The following WWTR1 variants were observed in gnomAD, a reference collection of about 807,000 sequenced individuals.
WWTR1 encodes the protein WW domain containing transcription regulator 1.
In WWTR1, 13 loss-of-function variants were observed where a neutral mutation model predicts 40.1. The ratio of observed to expected loss-of-function variants is 0.32; its 90% CI spans 0.21 to 0.52. WWTR1 has a LOEUF of 0.52. Among genes scored for constraint, WWTR1 ranks in the 20% least tolerant of loss-of-function variants. WWTR1 has a pLI of 0.97. For synonymous variants in WWTR1, 230 were observed against 210.1 expected, an observed-to-expected ratio of 1.09 and a Z score of -0.82; for missense variants, 436 against 523.1, an observed-to-expected ratio of 0.83 and a Z score of 1.63.
chr3:149,690,511 G>C (rs1274494162), intron 1 of WWTR1, among the ~76,000 whole-genome samples: 1 of 152,006 alleles, frequency 6.6e-6, no homozygotes, highest in Non-Finnish European at 1.5e-5. Flanking sequence ...TATAAAAATA[G>C]GCAAAGAAGG....
rs1034006068 is a variant in WWTR1 at position 149,542,279 on chromosome 3, A to G, written c.771+56T>C. ...CCTGAAGGTAAGCAGCTACCTACCC[A>G]TCAGCTTTGGCACCAAGGCCAGGGA... On this transcript the variant is annotated intron_variant, in intron 4 of 6. Coordinates refer to ENST00000360632, the MANE Select transcript of WWTR1 (RefSeq NM_015472.6). The G allele has an allele frequency of 1.5e-5, 24 of 1,572,300 alleles. No homozygotes were observed. In the Middle Eastern group the frequency reaches 6.9e-4, roughly 45 times the overall value.
chr3:149,623,417 C>T (rs1334432643), intron 2 of WWTR1, among the ~76,000 whole-genome samples: 1 of 151,852 alleles, frequency 6.6e-6, no homozygotes, highest in Admixed American at 6.6e-5. Context: ...TGGGAAAGAA[C>T]CTAAATGCTC....
chr3:149,598,489 A>G (rs1393274338), intron 2 of WWTR1, among the ~76,000 whole-genome samples: 1 of 152,222 alleles, frequency 6.6e-6, no homozygotes, highest in East Asian at 1.9e-4. Context: ...CACTCAAGCC[A>G]AGCACTCTTG....
chr3:149,663,869 C>G (rs1054518204), intron 2 of WWTR1, among the ~76,000 whole-genome samples: 1 of 152,240 alleles, frequency 6.6e-6, no homozygotes, highest in African/African-American at 2.4e-5. Context: ...CTGGACTCAA[C>G]TCTTTAACAA....
At position 149,520,758 on chromosome 3, in the gene WWTR1, C is replaced by T; in HGVS notation, c.*47G>A. 2 of 1,461,466 alleles carry T rather than the reference C, an allele frequency of 1.4e-6. No individual in the cohort carries two copies. The highest frequency in any genetic ancestry group is 1.6e-5 in the South Asian group (1 of 63,750). 90.5% of individuals were successfully genotyped at this position (1,461,466 alleles called of 1,614,324 possible). ...TGCTCCATCACTTTTTCCAAGAGGC[C>T]CAGGAAATGTAAGGTCATGGCTACA... On this transcript the variant is annotated 3_prime_UTR_variant, in exon 7 of 7. Coordinates refer to ENST00000360632, the MANE Select transcript of WWTR1 (RefSeq NM_015472.6).
intron 4 of WWTR1, among the ~76,000 whole-genome samples, chr3:149,721,755 G>C (rs1715761946): frequency 6.6e-6 from 1 of 152,090 alleles, no homozygotes; most frequent in Non-Finnish European, 1.5e-5. Context: ...TTAAGAGATG[G>C]GGTTTCTTAT....
rs1271552625 is a variant in WWTR1, at chr3:149,518,047, G to A, written c.*2758C>T. ...AGGGGTTTTAACACTTACAATAATA[G>A]GAAATAGCCATTAAAAAGTTGCTCT... On this transcript the variant is annotated 3_prime_UTR_variant, in exon 7 of 7. Coordinates refer to ENST00000360632, the MANE Select transcript of WWTR1 (RefSeq NM_015472.6). 6.6e-6 allele frequency: 1 copy of A among 151,884 alleles called. No individual in the cohort carries two copies. The highest frequency in any genetic ancestry group is 2.4e-5 in the African/African-American group (1 of 41,364). The allele number at this position is 151,884 out of a possible 1,614,324, so 9.4% of individuals were successfully genotyped here. A position where few individuals can be genotyped will look rare whatever the true frequency, so the allele number is the denominator to read the frequency against.
intron 3 of WWTR1, among the ~76,000 whole-genome samples, chr3:149,550,869 C>T (rs1448346553): frequency 6.9e-6 from 1 of 145,438 alleles, no homozygotes; most frequent in African/African-American, 2.6e-5. Flanking sequence ...GTTAGCAAAG[C>T]CTTGCTAAAT....
At chr3:149,665,031 G>A (rs1713752122) in intron 2 of WWTR1, among the ~76,000 whole-genome samples, 1 of 151,906 alleles carries the variant, frequency 6.6e-6, no homozygotes, top group Admixed American at 6.6e-5. Context: ...CTATCATTTT[G>A]GGGCAAGGGA....
intron 2 of WWTR1, among the ~76,000 whole-genome samples, chr3:149,652,457 C>CA (rs753204434): frequency 6.7e-6 from 1 of 150,270 alleles, no homozygotes; most frequent in Non-Finnish European, 1.5e-5. Flanking sequence ...CCTGTCTCTA[C>CA]AAAAAAGTTA....
At chr3:149,645,227 C>CGG (rs1712438423) in intron 2 of WWTR1, among the ~76,000 whole-genome samples, 3 of 152,054 alleles carry the variant, frequency 2.0e-5, no homozygotes, top group African/African-American at 7.2e-5. Flanking sequence ...CTACAGGTGC[C>CGG]CGCCACCACG....
chr3:149,554,765 AT>A (rs1389675197), intron 3 of WWTR1, among the ~76,000 whole-genome samples: 1 of 152,262 alleles, frequency 6.6e-6, no homozygotes, highest in East Asian at 1.9e-4. Flanking sequence ...CTCTGACTCC[AT>A]TTGATTGCAG....
chr3:149,627,154 T>C (rs1740581487), intron 2 of WWTR1, among the ~76,000 whole-genome samples: 1 of 152,234 alleles, frequency 6.6e-6, no homozygotes, highest in South Asian at 2.1e-4. Context: ...TGGGATATAC[T>C]TAAAACTAAA....
rs1739290138 is a variant in WWTR1, at chr3:149,602,565, C to T, written c.432-29565G>A. 3.3e-5 allele frequency among the ~76,000 whole-genome samples: 5 copies of T among 152,136 alleles called. No individual in the cohort carries two copies. In the South Asian group the frequency reaches 1.0e-3, roughly 32 times the overall value. On this transcript the variant is annotated intron_variant, in intron 2 of 6. Coordinates refer to ENST00000360632, the MANE Select transcript of WWTR1 (RefSeq NM_015472.6). ...ACTGAAACTCTAGTGTTGATCATTG[C>T]CCTGACACAACTTTAAAGTGGCCAC... is the stretch of plus-strand genomic sequence containing the variant.
At chr3:149,637,074 T>C (rs1011729649) in intron 2 of WWTR1, among the ~76,000 whole-genome samples, 1 of 151,612 alleles carries the variant, frequency 6.6e-6, no homozygotes, top group Non-Finnish European at 1.5e-5. Flanking sequence ...AAAGGACAAG[T>C]ACTCTCTATC....
chr3:149,542,547 G>A lies in WWTR1; in HGVS notation c.569-10C>T, dbSNP rs759737398. On this transcript the variant is annotated splice_polypyrimidine_tract_variant and intron_variant, in intron 3 of 6. Transcript: ENST00000360632. ...TGTTGGTGATTCATCACTGCAAGAG[G>A]GAAGAACATACAGATTAATGACCAG... 1 of 1,602,456 alleles carries A rather than the reference G, an allele frequency of 6.2e-7. No homozygotes were observed. The highest frequency in any genetic ancestry group is 1.7e-5 in the Admixed American group (1 of 58,892).
intron 3 of WWTR1, among the ~76,000 whole-genome samples, chr3:149,560,875 A>G (rs939594240): frequency 1.3e-5 from 2 of 152,200 alleles, no homozygotes; most frequent in Non-Finnish European, 2.9e-5. Flanking sequence ...GCTGAAAAAC[A>G]GAGTTAGTGG....
chr3:149,682,540 G>A (rs1714493070), intron 1 of WWTR1, among the ~76,000 whole-genome samples: 1 of 152,130 alleles, frequency 6.6e-6, no homozygotes, highest in Non-Finnish European at 1.5e-5. Context: ...GTCTAGAAGA[G>A]AAGCATACTC....
At chr3:149,674,141 G>A (rs149343701) in intron 1 of WWTR1, among the ~76,000 whole-genome samples, 1 of 151,612 alleles carries the variant, frequency 6.6e-6, no homozygotes, top group Non-Finnish European at 1.5e-5. Context: ...GATTGCTTGA[G>A]CTGAGGAAGC....
Sources: allele counts gnomAD v4.1 joint callset (sites outside exome capture counted in the v4.1 genomes callset), GRCh38; gene constraint gnomAD v4.1.1; transcripts MANE v1.5; gene names NCBI Gene and HGNC (gene_info 2026-07-23, HGNC 2026-07-21).